The following RCC1 variants were observed in gnomAD, a reference collection of about 807,000 sequenced individuals.
RCC1 encodes regulator of chromosome condensation.
A neutral mutation model predicts 44.4 loss-of-function variants in RCC1; 11 were observed. That is an observed-to-expected ratio of 0.25 (90% CI 0.16 to 0.41). The LOEUF (loss-of-function observed/expected upper bound fraction) is 0.41. Ranked by LOEUF, RCC1 falls within the 10% of genes least tolerant of loss-of-function variation. The probability of loss-of-function intolerance (pLI) is 1.00; values close to 1 mark genes in which losing one functional copy is unlikely to be tolerated. For synonymous variants in RCC1, 213 were observed against 216.5 expected (o/e 0.98, Z 0.14); for missense variants, 386 against 547.1 (o/e 0.71, Z 2.94).
chr1:28,506,425 TC>T, intron 1 of RCC1: 1 of 345,498 alleles, frequency 2.9e-6, no homozygotes, highest in South Asian at 2.2e-5. Context: ...TTTCCGGTGA[TC>T]CACCACCCTC....
At chr1:28,511,403 G>GTTTTTTT (rs201429762) in intron 3 of RCC1, among the ~76,000 whole-genome samples, 10 of 141,424 alleles carry the variant, frequency 7.1e-5, no homozygotes, top group Non-Finnish European at 1.1e-4. Flanking sequence ...TTTGTTTTTT[G>GTTTTTTT]TTTTTTTTTT....
chr1:28,530,201 G>C (rs1285803976), intron 5 of RCC1, among the ~76,000 whole-genome samples: 2 of 151,718 alleles, frequency 1.3e-5, no homozygotes, highest in Non-Finnish European at 2.9e-5. Context: ...TTCACCCCAG[G>C]CAGTGATGCA....
Position 28,532,650 on chromosome 1 carries a change from TC to T in RCC1, c.441+301del, listed in dbSNP as rs1473090714. The stretch of plus-strand genomic sequence containing the variant: ...GCTGTCTTCACCCATCTCCCTGACT[TC>T]TGTCTCCCCCTCACCTTGCCAGCAC... On this transcript the variant is annotated intron_variant, in intron 7 of 12. Coordinates refer to ENST00000683442, the MANE Select transcript of RCC1 (RefSeq NM_001381865.2). 5.9e-5 allele frequency: 30 copies of T among 511,202 alleles called. No individual in the cohort carries two copies. The East Asian group carries it at 1.3e-3, about 22-fold the overall frequency. 31.7% of individuals were successfully genotyped at this position (511,202 alleles called of 1,614,324 possible).
At chr1:28,535,641 G>T in intron 9 of RCC1, 1 of 759,444 alleles carries the variant, frequency 1.3e-6, no homozygotes, top group South Asian at 1.5e-5. Flanking sequence ...TTAATGAGAA[G>T]AATATCAGGC....
intron 5 of RCC1, among the ~76,000 whole-genome samples, chr1:28,531,128 C>T (rs368874762): frequency 1.4e-4 from 22 of 152,144 alleles, no homozygotes; most frequent in African/African-American, 4.8e-4. Context: ...ACTCAGGAGG[C>T]TGAGGCAGAG....
chr1:28,510,104 GGTAAA>G (rs1232431177), intron 3 of RCC1: 1 of 152,222 alleles, frequency 6.6e-6, no homozygotes, highest in Non-Finnish European at 1.5e-5. Context: ...TCATCTAGAA[GGTAAA>G]GTTACCTACT....
chr1:28,516,992 G>A (rs1662933918), intron 4 of RCC1, 125 bp downstream of exon 4: 1 of 404,316 alleles, frequency 2.5e-6, no homozygotes, highest in Admixed American at 2.8e-5. Flanking sequence ...TTTGTGGCAG[G>A]CACCTGTAAT....
chr1:28,527,077 C>A, intron 4 of RCC1: 1 of 927,590 alleles, frequency 1.1e-6, no homozygotes, highest in Non-Finnish European at 1.8e-6. Context: ...CAGAATTTTG[C>A]TTGACCGGAA....
chr1:28,528,806 C>CAA (rs61279276), intron 4 of RCC1, among the ~76,000 whole-genome samples: 3,652 of 101,310 alleles, frequency 0.036, 66 homozygotes, highest in African/African-American at 0.039. Context: ...ATTTTTTTTC[C>CAA]AAAAAAAAAA....
intron 4 of RCC1, among the ~76,000 whole-genome samples, chr1:28,528,911 T>C (rs1435001470): frequency 7.0e-6 from 1 of 142,664 alleles, no homozygotes; most frequent in East Asian, 2.1e-4. Context: ...GCTGGAGTGC[T>C]GAGTGCAATG....
chr1:28,530,474 T>C (rs1251856244), intron 5 of RCC1: 1 of 1,533,356 alleles, frequency 6.5e-7, no homozygotes, highest in African/African-American at 1.4e-5. Flanking sequence ...AGCACCAAAC[T>C]GGGAGGGGAA....
rs201075195 is a variant in RCC1 at position 28,536,421 on chromosome 1, G to A, written c.937+40G>A. ...TCCTTCTCTAGTTTGGGGGTGGAGT[G>A]TTCCCTGGCCTAGGCCTAGCCAGAT... On this transcript the variant is annotated intron_variant, in intron 11 of 12. Coordinates refer to ENST00000683442, the MANE Select transcript of RCC1 (RefSeq NM_001381865.2). This position sits in a 1 kb window ranked among gnomAD's most constrained non-coding sequence, Gnocchi z 4.9. 39 of 1,602,644 alleles carry A rather than the reference G, an allele frequency of 2.4e-5. No individual in the cohort carries two copies. The African/African-American group carries it at 4.1e-4, about 17-fold the overall frequency.
chr1:28,511,401 T>C (rs1205061889), intron 3 of RCC1, among the ~76,000 whole-genome samples: 1 of 132,192 alleles, frequency 7.6e-6, no homozygotes, highest in East Asian at 1.9e-4. Flanking sequence ...TTTTTGTTTT[T>C]TGTTTTTTTT....
chr1:28,526,827 G>C (rs1435796211), intron 4 of RCC1: 8 of 602,820 alleles, frequency 1.3e-5, no homozygotes, highest in African/African-American at 1.3e-4. Context: ...AACCCAGGAG[G>C]GGGAGGTTGC....
chr1:28,535,247 T>C lies in RCC1; in HGVS notation c.539-11T>C. 3 of 1,614,188 alleles carry C rather than the reference T, an allele frequency of 1.9e-6. No individual in the cohort carries two copies. Among genetic ancestry groups the C allele is most frequent in the Non-Finnish European group, 2.5e-6 (3 of 1,180,014 alleles). On this transcript the variant is annotated splice_polypyrimidine_tract_variant and intron_variant, in intron 8 of 12. Coordinates refer to ENST00000683442, the MANE Select transcript of RCC1 (RefSeq NM_001381865.2). ...AGTTGTGGCCTGCATCCCTTACCTT[T>C]TCATCCTTAGGAAACGACCACTTGG...
chr1:28,533,841 TTTTC>T (rs1664355864), intron 7 of RCC1, among the ~76,000 whole-genome samples: 1 of 114,282 alleles, frequency 8.8e-6, no homozygotes, highest in Non-Finnish European at 1.7e-5. Context: ...TTTTCTTTTC[TTTTC>T]TTTTTTTTTT....
chr1:28,506,119 T>C (rs759132782), intron 1 of RCC1, 35 bp downstream of exon 1: 101 of 455,062 alleles, frequency 2.2e-4, no homozygotes, highest in Non-Finnish European at 3.8e-4. Context: ...GATCAGATGC[T>C]TGCCACCGGA....
chr1:28,536,268 C>T lies in RCC1; in HGVS notation c.824C>T (p.Pro275Leu), dbSNP rs373631626. ...GCTCCGGCCTTTCCCCCAGGAACTC[C>T]GGGCACAGAATCTTGCTTCATACCC... is the stretch of plus-strand genomic sequence containing the variant. ...GLSNYHQLGT[P>L]GTESCFIPQN... is the part of the protein sequence containing the mutation. The change falls in exon 11 of 13, where the codon CCG (proline) becomes CTG (leucine). Residue 275 changes from proline (P) to leucine (L), a missense_variant. By Grantham distance (98) the Pro-to-Leu change is moderately conservative (BLOSUM62 -3). Transcript: ENST00000683442. The surrounding 1 kb of genome is among the most constrained non-coding windows in gnomAD (Gnocchi z 4.9). 21 of 1,613,824 alleles carry T rather than the reference C, an allele frequency of 1.3e-5. No individual in the cohort carries two copies. Among genetic ancestry groups the T allele is most frequent in the East Asian group, 8.9e-5 (4 of 44,906 alleles).
At chr1:28,507,635 C>A (rs112742562) in intron 1 of RCC1, 44 of 440,084 alleles carry the variant, frequency 1.0e-4, no homozygotes, top group South Asian at 6.7e-4. Flanking sequence ...GATGGAGTCG[C>A]TCTGTTGCCC....
Sources: allele counts gnomAD v4.1 joint callset (sites outside exome capture counted in the v4.1 genomes callset), GRCh38; gene constraint gnomAD v4.1.1; non-coding constraint Gnocchi (gnomAD v3.1); transcripts MANE v1.5; gene names NCBI Gene and HGNC (gene_info 2026-07-23, HGNC 2026-07-21).